Variants in BCL2L15 observed in about 807,000 individuals in gnomAD.
The protein encoded by BCL2L15 is BCL2 like 15, also known as bcl-2-like protein 15.
BCL2L15 carries 15 observed loss-of-function variants against 18.3 expected under a neutral mutation model. The observed-to-expected ratio is 0.82, with a 90% CI of 0.55 to 1.26. The LOEUF is 1.26. BCL2L15 is among the 50% of genes most tolerant of loss of function. The pLI is 0.00. For synonymous variants in BCL2L15, 58 were observed against 68.5 expected (o/e 0.85, Z 0.76); for missense variants, 180 against 201.7 (o/e 0.89, Z 0.65).
rs548446867 is a variant in BCL2L15, at chr1:113,883,316, A to G, written c.250-1319T>C. On this transcript the variant is annotated intron_variant, in intron 2 of 3. Coordinates refer to ENST00000393316, the MANE Select transcript of BCL2L15 (RefSeq NM_001010922.3). ...GCCAACATAGTGAAACCCCGTCTCT[A>G]CTAAAAATACAAAAAATTAGCTGGG... Among the ~76,000 whole-genome samples, 24 of 152,230 alleles carry G rather than the reference A, an allele frequency of 1.6e-4. No individual in the cohort carries two copies. In the South Asian group the frequency reaches 5.0e-3, roughly 32 times the overall value.
chr1:113,881,271 G>T, intron 3 of BCL2L15, 131 bp from the exon 4 acceptor site: 2 of 1,353,988 alleles, frequency 1.5e-6, no homozygotes. Flanking sequence ...CCCTGTAAAT[G>T]GAAAGGAGTG....
In BCL2L15 at chr1:113,887,509, T is replaced by C; in HGVS notation, c.-134A>G. 1 of 1,240,864 alleles carries C rather than the reference T, an allele frequency of 8.1e-7. No individual in the cohort carries two copies. The highest frequency in any genetic ancestry group is 2.4e-5 in the East Asian group (1 of 41,790). The allele number at this position is 1,240,864 out of a possible 1,614,324, so 76.9% of individuals were successfully genotyped here. A position where few individuals can be genotyped will look rare whatever the true frequency, so the allele number is the denominator to read the frequency against. ...TTCCTGACATGTAATCCTGGAACTT[T>C]TCCCACTAGCTTTCTTCAAACACAG... is the stretch of plus-strand genomic sequence containing the variant. On this transcript the variant is annotated 5_prime_UTR_variant, in exon 1 of 4. Transcript: ENST00000393316.
rs1406240639 is a variant in BCL2L15 at position 113,880,426 on chromosome 1, A to T, written c.*697T>A. On this transcript the variant is annotated 3_prime_UTR_variant, in exon 4 of 4. Transcript: ENST00000393316. ...CGAATCACGAGGTCAGGAGATCCAG[A>T]CCATCCTGGCTAACACGGCGAAACC... 1.3e-5 allele frequency: 2 copies of T among 152,368 alleles called. No homozygotes were observed. Among genetic ancestry groups the T allele is most frequent in the Non-Finnish European group, 2.9e-5 (2 of 68,170 alleles). The allele number at this position is 152,368 out of a possible 1,614,324, so 9.4% of individuals were successfully genotyped here. A position where few individuals can be genotyped will look rare whatever the true frequency, so the allele number is the denominator to read the frequency against.
chr1:113,879,563 A>G lies in BCL2L15; in HGVS notation c.*1560T>C, dbSNP rs1666809747. The stretch of plus-strand genomic sequence containing the variant: ...TGCAAGAACTAACAAACATATGGAG[A>G]CTAAGTTCCCAAAGAAGAGTTAAAT... On this transcript the variant is annotated 3_prime_UTR_variant, in exon 4 of 4. Coordinates refer to ENST00000393316, the MANE Select transcript of BCL2L15 (RefSeq NM_001010922.3). 6.6e-6 allele frequency: 1 copy of G among 152,352 alleles called. No individual in the cohort carries two copies. Among genetic ancestry groups the G allele is most frequent in the Admixed American group, 6.5e-5 (1 of 15,282 alleles). 9.4% of individuals were successfully genotyped at this position (152,352 alleles called of 1,614,324 possible). A position where few individuals can be genotyped will look rare whatever the true frequency, so the allele number is the denominator to read the frequency against.
Position 113,885,156 on chromosome 1 carries a change from A to G in BCL2L15, c.249+1381T>C, listed in dbSNP as rs570441515. ...TTATTAGTAGAGATGGGGTTTCACT[A>G]TGTTGGCCAGGCTGGTCTCAAACTC... is the stretch of plus-strand genomic sequence containing the variant. On this transcript the variant is annotated intron_variant, in intron 2 of 3. Transcript: ENST00000393316. Among the ~76,000 whole-genome samples, 8 of 152,074 alleles carry G rather than the reference A, an allele frequency of 5.3e-5. No individual in the cohort carries two copies. The South Asian group carries it at 1.0e-3, about 20-fold the overall frequency.
chr1:113,882,921 C>A (rs530298668), intron 2 of BCL2L15, among the ~76,000 whole-genome samples: 2 of 152,240 alleles, frequency 1.3e-5, no homozygotes, highest in African/African-American at 4.8e-5. Flanking sequence ...GCCTAGGCAA[C>A]AGAGAAAGAC....
At chr1:113,885,080 C>T (rs999808838) in intron 2 of BCL2L15, among the ~76,000 whole-genome samples, 1 of 151,958 alleles carries the variant, frequency 6.6e-6, no homozygotes, top group African/African-American at 2.4e-5. Context: ...CTCAGCCTCC[C>T]GAGTAGCTGG....
chr1:113,881,420 T>C, intron 3 of BCL2L15: 2 of 1,278,514 alleles, frequency 1.6e-6, no homozygotes, highest in South Asian at 4.1e-5. Context: ...CATAGAGAAG[T>C]TAGGAAAAAA....
chr1:113,882,452 C>A (rs1277116584), intron 2 of BCL2L15, among the ~76,000 whole-genome samples: 2 of 152,078 alleles, frequency 1.3e-5, no homozygotes, highest in Non-Finnish European at 2.9e-5. Flanking sequence ...CAAGACCAGC[C>A]TGGCCAACAT....
At chr1:113,887,061 C>A (rs972554756) in intron 1 of BCL2L15, among the ~76,000 whole-genome samples, 188 bp downstream of exon 1, 1 of 151,996 alleles carries the variant, frequency 6.6e-6, no homozygotes, top group African/African-American at 2.4e-5. Context: ...CCACACCTGG[C>A]TAATTTTTCT....
chr1:113,877,744 T>A lies in BCL2L15; in HGVS notation c.*3379A>T, dbSNP rs1480604951. ...GGAACAGAACAATCTATTGAAAGCC[T>A]AAGTAGGAGGCTTTATTAATAGTCC... On this transcript the variant is annotated 3_prime_UTR_variant, in exon 4 of 4. Transcript: ENST00000393316. 6.6e-6 allele frequency among the ~76,000 whole-genome samples: 1 copy of A among 152,176 alleles called. No individual in the cohort carries two copies. The highest frequency in any genetic ancestry group is 2.4e-5 in the African/African-American group (1 of 41,436).
intron 3 of BCL2L15, chr1:113,881,451 G>C: frequency 2.2e-6 from 3 of 1,343,978 alleles, no homozygotes; most frequent in Non-Finnish European, 2.9e-6. Flanking sequence ...ATTTACAAAG[G>C]AACGGAGTGA....
rs998790483 is a variant in BCL2L15 at position 113,880,429 on chromosome 1, A to G, written c.*694T>C. 1 of 152,338 alleles carries G rather than the reference A, an allele frequency of 6.6e-6. No homozygotes were observed. Among genetic ancestry groups the G allele is most frequent in the African/African-American group, 2.4e-5 (1 of 41,450 alleles). 9.4% of individuals were successfully genotyped at this position (152,338 alleles called of 1,614,324 possible). On this transcript the variant is annotated 3_prime_UTR_variant, in exon 4 of 4. Coordinates refer to ENST00000393316, the MANE Select transcript of BCL2L15 (RefSeq NM_001010922.3). ...ATCACGAGGTCAGGAGATCCAGACC[A>G]TCCTGGCTAACACGGCGAAACCTCA...
intron 2 of BCL2L15, among the ~76,000 whole-genome samples, chr1:113,884,411 G>A (rs1006220122): frequency 1.3e-5 from 2 of 152,218 alleles, no homozygotes; most frequent in Admixed American, 1.3e-4. Context: ...ATTCCAGATT[G>A]AAGGAAACTA....
chr1:113,881,496 A>C, intron 3 of BCL2L15: 2 of 1,356,240 alleles, frequency 1.5e-6, no homozygotes, highest in Non-Finnish European at 1.9e-6. Context: ...TCATGAATAT[A>C]CTTTATAGAT....
chr1:113,880,890 C>G lies in BCL2L15; in HGVS notation c.*233G>C. 1 of 573,674 alleles carries G rather than the reference C, an allele frequency of 1.7e-6. No individual in the cohort carries two copies. Among genetic ancestry groups the G allele is most frequent in the Non-Finnish European group, 3.1e-6 (1 of 323,108 alleles). The allele number at this position is 573,674 out of a possible 1,614,324, so 35.5% of individuals were successfully genotyped here. ...CATGTGAAAACAGAAAGTAGAAAATCTCTGTGGTTTGCATTAAGTTGACAA... is the reference window on the plus strand; with the variant it reads ...CATGTGAAAACAGAAAGTAGAAAATGTCTGTGGTTTGCATTAAGTTGACAA... On this transcript the variant is annotated 3_prime_UTR_variant, in exon 4 of 4. Coordinates refer to ENST00000393316, the MANE Select transcript of BCL2L15 (RefSeq NM_001010922.3).
Position 113,877,375 on chromosome 1 carries a change from A to G in BCL2L15, c.*3748T>C, listed in dbSNP as rs1666754974. Among the ~76,000 whole-genome samples, 1 of 151,844 alleles carries G rather than the reference A, an allele frequency of 6.6e-6. No homozygotes were observed. On this transcript the variant is annotated 3_prime_UTR_variant, in exon 4 of 4. Transcript: ENST00000393316. The stretch of plus-strand genomic sequence containing the variant: ...CCTTATTAAGGTAGTGCTGATGTAC[A>G]ATAAACTACACATTTCAAAGTATGC...
intron 1 of BCL2L15, 61 bp from the exon 2 acceptor site, chr1:113,886,719 G>C (rs1296707305): frequency 2.7e-6 from 4 of 1,502,754 alleles, no homozygotes; most frequent in Non-Finnish European, 3.6e-6. Context: ...CCAGGAATCT[G>C]GGCAATGAGA....
At chr1:113,883,898 C>A (rs926539381) in intron 2 of BCL2L15, among the ~76,000 whole-genome samples, 1 of 152,188 alleles carries the variant, frequency 6.6e-6, no homozygotes, top group African/African-American at 2.4e-5. Flanking sequence ...AATAGAGACA[C>A]ATCAAAGAGA....
Sources: gnomAD v4.1 joint callset for allele counts (sites outside exome capture counted in the v4.1 genomes callset) on GRCh38, gnomAD v4.1.1 for gene constraint, MANE v1.5 for transcripts, NCBI Gene and HGNC (gene_info 2026-07-23, HGNC 2026-07-21) for gene names.